EFR3B: variants seen among roughly 807,000 people sequenced by gnomAD.
EFR3B encodes the protein protein EFR3 homolog B.
A neutral mutation model predicts 104.7 loss-of-function variants in EFR3B; 64 were observed. The ratio of observed to expected loss-of-function variants is 0.61; its 90% confidence interval spans 0.50 to 0.75. EFR3B has a LOEUF of 0.75. EFR3B is among the 30% of genes least tolerant of loss of function. The pLI is 0.00. For synonymous variants in EFR3B, 385 were observed against 417.9 expected (o/e 0.92, Z 0.96); for missense variants, 750 against 1,078.5 (o/e 0.70, Z 4.27).
chr2:25,094,349 A>T (rs1669222375), intron 3 of EFR3B, among the ~76,000 whole-genome samples: 1 of 151,982 alleles, frequency 6.6e-6, no homozygotes, highest in South Asian at 2.1e-4. Context: ...AAAAAAGTAT[A>T]TTCGAAAATT....
chr2:25,131,591 G>A lies in EFR3B; in HGVS notation c.985+88G>A. On this transcript the variant is annotated intron_variant, in intron 9 of 22. Transcript: ENST00000403714. This position sits in a 1 kb window ranked among gnomAD's most constrained non-coding sequence, Gnocchi z 7.6. ...GAGAGGCAAGGGACAACAGGGAGGG[G>A]TCGGAGTCCGTTTTCCTCGGGAGAA... is the stretch of plus-strand genomic sequence containing the variant. The A allele has an allele frequency of 6.6e-7, 1 of 1,514,674 alleles. No homozygotes were observed. The highest frequency in any genetic ancestry group is 8.9e-7 in the Non-Finnish European group (1 of 1,126,016). The allele number at this position is 1,514,674 out of a possible 1,614,324, so 93.8% of individuals were successfully genotyped here.
intron 16 of EFR3B, among the ~76,000 whole-genome samples, chr2:25,140,808 A>C (rs1670640933): frequency 6.6e-6 from 1 of 152,186 alleles, no homozygotes; most frequent in African/African-American, 2.4e-5. Flanking sequence ...TGGGAGGCCA[A>C]GGCAGGTGGA....
rs1253824397 is a variant in EFR3B at position 25,115,802 on chromosome 2, C to A, written c.364-5871C>A. Among the ~76,000 whole-genome samples the A allele has an allele frequency of 2.0e-5, 3 of 152,322 alleles. No homozygotes were observed. The South Asian group carries it at 6.2e-4, about 32-fold the overall frequency. On this transcript the variant is annotated intron_variant, in intron 4 of 22. Transcript: ENST00000403714. ...AGACAGCTAACACTGACGTGTTAAG[C>A]AGTGAGTGCCACAGAAATATTTACT...
Position 25,114,047 on chromosome 2 carries a change from C to T in EFR3B, c.364-7626C>T, listed in dbSNP as rs1669795915. Among the ~76,000 whole-genome samples, 2 of 152,200 alleles carry T rather than the reference C, an allele frequency of 1.3e-5. No individual in the cohort carries two copies. Among genetic ancestry groups the T allele is most frequent in the Non-Finnish European group, 2.9e-5 (2 of 68,032 alleles). ...CCTCTTTAAGAGGGAAAAGGGCTTA[C>T]TCGCTCTAAAACCGGAGAGTCCCAA... On this transcript the variant is annotated intron_variant, in intron 4 of 22. Coordinates refer to ENST00000403714, the MANE Select transcript of EFR3B (RefSeq NM_014971.2). The surrounding 1 kb of genome is among the most constrained non-coding windows in gnomAD (Gnocchi z 4.0).
rs888269805 is a variant in EFR3B at position 25,114,703 on chromosome 2, A to G, written c.364-6970A>G. Among the ~76,000 whole-genome samples, 1 of 152,124 alleles carries G rather than the reference A, an allele frequency of 6.6e-6. No individual in the cohort carries two copies. The highest frequency in any genetic ancestry group is 1.5e-5 in the Non-Finnish European group (1 of 68,006). On this transcript the variant is annotated intron_variant, in intron 4 of 22. Coordinates refer to ENST00000403714, the MANE Select transcript of EFR3B (RefSeq NM_014971.2). This position sits in a 1 kb window ranked among gnomAD's most constrained non-coding sequence, Gnocchi z 4.0. ...CTTCAGAGGAAGTGGCTGTCCATCC[A>G]TCCAGCCTTGACGGACCTCCCTGAC...
At chr2:25,143,025 G>C (rs1156412287) in intron 17 of EFR3B, among the ~76,000 whole-genome samples, 1 of 150,006 alleles carries the variant, frequency 6.7e-6, no homozygotes, top group Non-Finnish European at 1.5e-5. Flanking sequence ...AGGCGGGCGG[G>C]TCACGAGGTC....
intron 15 of EFR3B, 51 bp from the exon 16 acceptor site, chr2:25,139,008 A>G (rs1670590855): frequency 6.5e-7 from 1 of 1,550,176 alleles, no homozygotes; most frequent in South Asian, 1.2e-5. Context: ...GTTGGCACCC[A>G]GTGTAGTCTG....
intron 1 of EFR3B, among the ~76,000 whole-genome samples, chr2:25,044,311 C>T (rs1667658277): frequency 6.6e-6 from 1 of 152,086 alleles, no homozygotes; most frequent in Admixed American, 6.6e-5. Flanking sequence ...GCCCACTCCC[C>T]CTGGTGAGGA....
At chr2:25,064,318 G>A (rs140715560) in intron 1 of EFR3B, among the ~76,000 whole-genome samples, 33 of 152,274 alleles carry the variant, frequency 2.2e-4, no homozygotes, top group Non-Finnish European at 2.8e-4. Context: ...CTGTGAGTTC[G>A]TCTGTATATT....
Position 25,042,570 on chromosome 2 carries a change from C to T in EFR3B, c.7+251C>T. Reference sequence around the variant, plus strand: ...TGCTGGGCGGTGGTCCTTCGGGGGGCGGAGGCTCAGGGGAAAGCGGGTCTC... The same window carrying T: ...TGCTGGGCGGTGGTCCTTCGGGGGGTGGAGGCTCAGGGGAAAGCGGGTCTC... On this transcript the variant is annotated intron_variant, in intron 1 of 22. Coordinates refer to ENST00000403714, the MANE Select transcript of EFR3B (RefSeq NM_014971.2). This position sits in a 1 kb window ranked among gnomAD's most constrained non-coding sequence, Gnocchi z 5.4. 8.3e-7 allele frequency: 1 copy of T among 1,199,212 alleles called. No homozygotes were observed. The highest frequency in any genetic ancestry group is 1.0e-6 in the Non-Finnish European group (1 of 967,352). 74.3% of individuals were successfully genotyped at this position (1,199,212 alleles called of 1,614,324 possible).
chr2:25,065,262 C>T (rs923202057), intron 1 of EFR3B, among the ~76,000 whole-genome samples: 1 of 152,086 alleles, frequency 6.6e-6, no homozygotes, highest in Non-Finnish European at 1.5e-5. Context: ...CTCACTGCAG[C>T]CTCGAACTCC....
intron 1 of EFR3B, among the ~76,000 whole-genome samples, chr2:25,084,499 A>G (rs1009262628): frequency 2.0e-5 from 3 of 152,090 alleles, no homozygotes; most frequent in African/African-American, 7.2e-5. Context: ...TTGACCTCCC[A>G]AAGTGTTGGG....
chr2:25,049,952 T>TAAAAAAA (rs59279308), intron 1 of EFR3B, among the ~76,000 whole-genome samples: 3 of 104,840 alleles, frequency 2.9e-5, no homozygotes, highest in Admixed American at 1.1e-4. Flanking sequence ...ACATTTCTAC[T>TAAAAAAA]AAAAAAAAAA....
At chr2:25,143,624 C>T (rs956233126) in intron 17 of EFR3B, 111 bp from the exon 18 acceptor site, 2 of 1,351,564 alleles carry the variant, frequency 1.5e-6, no homozygotes, top group Non-Finnish European at 2.0e-6. Flanking sequence ...CGCACCACCA[C>T]ACTCCAGCCT....
intron 1 of EFR3B, among the ~76,000 whole-genome samples, chr2:25,088,930 T>C (rs1235571452): frequency 6.6e-6 from 1 of 152,164 alleles, no homozygotes; most frequent in Non-Finnish European, 1.5e-5. Context: ...TCTTACCTCC[T>C]TTCTACTGGT....
chr2:25,102,315 G>C (rs1044059304), intron 3 of EFR3B, among the ~76,000 whole-genome samples: 1 of 152,102 alleles, frequency 6.6e-6, no homozygotes, highest in Admixed American at 6.6e-5. Flanking sequence ...AGGTTATTAG[G>C]CTTCAGGTTG....
Position 25,042,516 on chromosome 2 carries a change from G to A in EFR3B, c.7+197G>A. On this transcript the variant is annotated intron_variant, in intron 1 of 22. Coordinates refer to ENST00000403714, the MANE Select transcript of EFR3B (RefSeq NM_014971.2). The surrounding 1 kb of genome is among the most constrained non-coding windows in gnomAD (Gnocchi z 5.4). ...AAGATGCCTCGGGCCGGGGACCCTG[G>A]GGTCCTCTCCAGGCCCGGCGCGTGC... 3.3e-6 allele frequency: 4 copies of A among 1,208,344 alleles called. No homozygotes were observed. The highest frequency in any genetic ancestry group is 4.1e-6 in the Non-Finnish European group (4 of 973,152). The allele number at this position is 1,208,344 out of a possible 1,614,324, so 74.9% of individuals were successfully genotyped here.
At chr2:25,152,901 T>C (rs1244012615) in intron 21 of EFR3B, among the ~76,000 whole-genome samples, 1 of 152,098 alleles carries the variant, frequency 6.6e-6, no homozygotes, top group African/African-American at 2.4e-5. Context: ...TCATCCCACT[T>C]TGAGAGGGAT....
chr2:25,100,718 T>C (rs998922588), intron 3 of EFR3B, among the ~76,000 whole-genome samples: 7 of 152,198 alleles, frequency 4.6e-5, no homozygotes, highest in Non-Finnish European at 7.4e-5. Context: ...GGTCTCAATC[T>C]CCTGACCTCG....
Sources: gnomAD v4.1 joint callset for allele counts (sites outside exome capture counted in the v4.1 genomes callset) on GRCh38, gnomAD v4.1.1 for gene constraint, Gnocchi (gnomAD v3.1) non-coding constraint, MANE v1.5 for transcripts, NCBI Gene and HGNC (gene_info 2026-07-23, HGNC 2026-07-21) for gene names.